MAGI2: variants seen among roughly 807,000 people sequenced by gnomAD.
MAGI2 encodes membrane associated guanylate kinase, WW and PDZ domain containing 2.
In MAGI2, 35 loss-of-function variants were observed where a neutral mutation model predicts 133.3. The observed-to-expected ratio is 0.26, with a 90% confidence interval of 0.20 to 0.35. The LOEUF is 0.35. Among genes scored for constraint, MAGI2 ranks in the 10% least tolerant of loss-of-function variants. MAGI2 has a pLI of 1.00. For missense variants in MAGI2, 1,636 were observed against 1,863.4 expected (o/e 0.88, Z 2.25); for synonymous variants, 729 against 710.6 (o/e 1.03, Z -0.41).
chr7:78,441,651 A>G (rs759425), intron 6 of MAGI2, among the ~76,000 whole-genome samples: 132,836 of 147,668 alleles, frequency 0.9, 60,492 homozygotes, highest in East Asian at 0.98. Context: ...TCTTAATTTT[A>G]AGGAAAAAAA....
chr7:79,181,546 CT>C (rs1198869236), intron 1 of MAGI2, among the ~76,000 whole-genome samples: 1 of 151,940 alleles, frequency 6.6e-6, no homozygotes, highest in Non-Finnish European at 1.5e-5. Flanking sequence ...TTTTTTCCCC[CT>C]AAACCTCCGG....
rs764312967 is a variant in MAGI2, at chr7:78,019,192, C to T, written c.*123G>A. ...ACACGTGGGACTTCACGTCGATGCT[C>T]CCAGGCCTTGGTGCCTCGTGGATCT... On this transcript the variant is annotated 3_prime_UTR_variant, in exon 22 of 22. Coordinates refer to ENST00000354212, the MANE Select transcript of MAGI2 (RefSeq NM_012301.4). The T allele has an allele frequency of 3.4e-5, 40 of 1,190,032 alleles. No individual in the cohort carries two copies. The highest frequency in any genetic ancestry group is 4.7e-5 in the Non-Finnish European group (40 of 855,668). 73.7% of individuals were successfully genotyped at this position (1,190,032 alleles called of 1,614,324 possible).
chr7:79,448,365 G>A (rs1365331577), intron 1 of MAGI2, among the ~76,000 whole-genome samples: 2 of 151,944 alleles, frequency 1.3e-5, no homozygotes, highest in African/African-American at 4.8e-5. Flanking sequence ...ATATTTTTCA[G>A]TTAATTTGAA....
intron 1 of MAGI2, among the ~76,000 whole-genome samples, chr7:79,219,599 A>G (rs1021315952): frequency 5.3e-5 from 8 of 152,022 alleles, no homozygotes; most frequent in Non-Finnish European, 2.9e-5. Flanking sequence ...TTTGGTTATA[A>G]AAAATAAAGA....
chr7:78,065,515 A>G (rs1813721842), intron 21 of MAGI2: 2 of 632,294 alleles, frequency 3.2e-6, no homozygotes, highest in South Asian at 1.9e-5. Flanking sequence ...ATCAGTTAAA[A>G]ACATATGCAA....
At chr7:78,718,160 A>G (rs545236625) in intron 2 of MAGI2, among the ~76,000 whole-genome samples, 1 of 152,368 alleles carries the variant, frequency 6.6e-6, no homozygotes, top group South Asian at 2.1e-4. Context: ...GTAGGATTCA[A>G]GCCTGTATCT....
intron 9 of MAGI2, among the ~76,000 whole-genome samples, chr7:78,286,340 G>A (rs1157679757): frequency 2.0e-5 from 3 of 151,976 alleles, no homozygotes; most frequent in African/African-American, 7.2e-5. Context: ...CATCTACTAG[G>A]GGAGCTGAAT....
At chr7:79,203,052 C>T (rs1039309327) in intron 1 of MAGI2, among the ~76,000 whole-genome samples, 1 of 151,998 alleles carries the variant, frequency 6.6e-6, no homozygotes, top group Admixed American at 6.6e-5. Context: ...TAGTACAGAG[C>T]ACATATAATT....
At chr7:79,088,744 C>A (rs899286022) in intron 1 of MAGI2, among the ~76,000 whole-genome samples, 1 of 151,924 alleles carries the variant, frequency 6.6e-6, no homozygotes, top group African/African-American at 2.4e-5. Flanking sequence ...TGTTGAAGGC[C>A]TTTTCTGCAT....
chr7:78,710,362 A>G (rs1041727473), intron 2 of MAGI2, among the ~76,000 whole-genome samples: 1 of 152,186 alleles, frequency 6.6e-6, no homozygotes. Flanking sequence ...GTCTTAGCAT[A>G]GGTGGTGCAA....
chr7:78,572,113 A>T (rs1210518130), intron 3 of MAGI2, among the ~76,000 whole-genome samples: 1 of 152,210 alleles, frequency 6.6e-6, no homozygotes, highest in Non-Finnish European at 1.5e-5. Context: ...AAGAGGCAAT[A>T]GCAAATCATC....
intron 1 of MAGI2, among the ~76,000 whole-genome samples, chr7:79,031,348 GTAGT>G (rs1449518559): frequency 1.3e-5 from 2 of 152,110 alleles, no homozygotes; most frequent in Admixed American, 6.5e-5. Context: ...CTGACACTTA[GTAGT>G]TAGTTATTCC....
intron 2 of MAGI2, among the ~76,000 whole-genome samples, chr7:78,634,534 A>G (rs1809421794): frequency 6.6e-6 from 1 of 152,216 alleles, no homozygotes. Flanking sequence ...ATGATTCTAA[A>G]AATAAGGAAA....
intron 1 of MAGI2, among the ~76,000 whole-genome samples, chr7:79,150,269 A>T (rs950869778): frequency 6.6e-6 from 1 of 150,976 alleles, no homozygotes; most frequent in African/African-American, 2.4e-5. Context: ...AAAAAAAAAA[A>T]CCCTTAAGGC....
At position 78,627,041 on chromosome 7, in the gene MAGI2, C is replaced by T. The variant is rs962965210; in HGVS notation, c.538+79G>A. The T allele has an allele frequency of 1.2e-5, 17 of 1,418,000 alleles. No homozygotes were observed. In the African/African-American group the frequency reaches 2.5e-4, roughly 21 times the overall value. The allele number at this position is 1,418,000 out of a possible 1,614,324, so 87.8% of individuals were successfully genotyped here. ...AAACCCAAAACAGCCCATTAGTAAC[C>T]TGGTGTCCCCGTGCATTTCCATCGA... On this transcript the variant is annotated intron_variant, in intron 3 of 21. Coordinates refer to ENST00000354212, the MANE Select transcript of MAGI2 (RefSeq NM_012301.4).
chr7:78,456,664 C>T (rs749030992), intron 6 of MAGI2, among the ~76,000 whole-genome samples: 1 of 152,054 alleles, frequency 6.6e-6, no homozygotes, highest in Non-Finnish European at 1.5e-5. Flanking sequence ...GGAAGACATA[C>T]AAAATACAGT....
chr7:78,159,895 A>G (rs1824798396), intron 16 of MAGI2, 130 bp downstream of exon 16: 1 of 1,253,942 alleles, frequency 8.0e-7, no homozygotes, highest in East Asian at 2.6e-5. Flanking sequence ...ATTTGTGCCC[A>G]CAGCCTGTGG....
At chr7:78,865,635 G>A (rs1288890856) in intron 2 of MAGI2, among the ~76,000 whole-genome samples, 1 of 152,188 alleles carries the variant, frequency 6.6e-6, no homozygotes, top group African/African-American at 2.4e-5. Context: ...CTGGGATATA[G>A]CAATGGGAAG....
intron 1 of MAGI2, among the ~76,000 whole-genome samples, chr7:79,369,264 T>C (rs1446676279): frequency 3.3e-5 from 5 of 152,186 alleles, no homozygotes; most frequent in Non-Finnish European, 7.3e-5. Context: ...TTGGCAATTC[T>C]ATTGCAGGTA....
Sources: allele counts gnomAD v4.1 joint callset (sites outside exome capture counted in the v4.1 genomes callset), GRCh38; gene constraint gnomAD v4.1.1; transcripts MANE v1.5; gene names NCBI Gene and HGNC (gene_info 2026-07-23, HGNC 2026-07-21).